Variants in WWC1 observed in about 807,000 individuals in gnomAD.
The protein encoded by WWC1 is protein KIBRA.
WWC1 carries 55 observed loss-of-function variants against 138.4 expected under a neutral mutation model. That is an observed-to-expected ratio of 0.40 (90% CI 0.32 to 0.50). The LOEUF (loss-of-function observed/expected upper bound fraction) is 0.50. Among genes scored for constraint, WWC1 ranks in the 20% least tolerant of loss-of-function variants. The pLI, the probability that WWC1 is intolerant of heterozygous loss-of-function variation, is 0.72. For synonymous variants in WWC1, 524 were observed against 564.9 expected (o/e 0.93, Z 1.03); for missense variants, 1,226 against 1,420.4 (o/e 0.86, Z 2.20).
chr5:168,295,774 C>G (rs777717728), intron 1 of WWC1, among the ~76,000 whole-genome samples: 1 of 152,162 alleles, frequency 6.6e-6, no homozygotes, highest in African/African-American at 2.4e-5. Flanking sequence ...TCCCCTTTCA[C>G]CAGGGGGTTG....
intron 1 of WWC1, among the ~76,000 whole-genome samples, chr5:168,361,618 G>A (rs914680074): frequency 2.0e-5 from 3 of 152,190 alleles, no homozygotes; most frequent in Non-Finnish European, 2.9e-5. Flanking sequence ...GGCATTATGT[G>A]ATGCAGGGCT....
chr5:168,432,077 A>G (rs939575370), intron 15 of WWC1, among the ~76,000 whole-genome samples: 11 of 151,582 alleles, frequency 7.3e-5, no homozygotes, highest in Admixed American at 6.6e-4. Flanking sequence ...GCACAGAGTA[A>G]TGAAAGCAAA....
chr5:168,435,355 TG>T (rs1316574614), intron 15 of WWC1, among the ~76,000 whole-genome samples: 11 of 152,204 alleles, frequency 7.2e-5, no homozygotes, highest in Non-Finnish European at 1.6e-4. Flanking sequence ...CCTCCTCCAC[TG>T]GATCCAGCCT....
intron 1 of WWC1, among the ~76,000 whole-genome samples, chr5:168,303,137 C>T (rs1770246659): frequency 6.6e-6 from 1 of 152,094 alleles, no homozygotes; most frequent in African/African-American, 2.4e-5. Flanking sequence ...AACGAAGTAA[C>T]TTCGTCCTCC....
intron 2 of WWC1, among the ~76,000 whole-genome samples, chr5:168,379,240 TGTA>T (rs1185813540): frequency 6.6e-6 from 1 of 152,150 alleles, no homozygotes; most frequent in African/African-American, 2.4e-5. Flanking sequence ...AGAACTAAAA[TGTA>T]GTAGTGGCCA....
chr5:168,465,083 A>G, intron 21 of WWC1, 121 bp downstream of exon 21: 2 of 1,406,650 alleles, frequency 1.4e-6, no homozygotes, highest in South Asian at 1.5e-5. Context: ...CACAGGTTCC[A>G]CTGAGGGTGT....
intron 9 of WWC1, chr5:168,416,165 C>A (rs1248533360): frequency 1.3e-5 from 2 of 152,174 alleles, no homozygotes; most frequent in African/African-American, 4.8e-5. Context: ...GCTTCAGAGA[C>A]CCCCTTGACT....
At chr5:168,335,002 A>G (rs1016969483) in intron 1 of WWC1, among the ~76,000 whole-genome samples, 1 of 152,140 alleles carries the variant, frequency 6.6e-6, no homozygotes, top group African/African-American at 2.4e-5. Context: ...AGGGAAGTGA[A>G]CCTGACCTTG....
intron 1 of WWC1, among the ~76,000 whole-genome samples, chr5:168,331,577 G>A (rs754870648): frequency 2.0e-5 from 3 of 152,320 alleles, no homozygotes; most frequent in East Asian, 3.9e-4. Context: ...TGTTTTGCAC[G>A]TTAATATCTT....
At chr5:168,430,419 A>C (rs1166676830) in intron 14 of WWC1, among the ~76,000 whole-genome samples, 196 bp downstream of exon 14, 1 of 152,152 alleles carries the variant, frequency 6.6e-6, no homozygotes, top group Non-Finnish European at 1.5e-5. Context: ...CACCAACTGT[A>C]AAGACAAGCA....
chr5:168,435,420 A>T (rs1048945865), intron 15 of WWC1, among the ~76,000 whole-genome samples: 3 of 152,028 alleles, frequency 2.0e-5, no homozygotes, highest in East Asian at 1.9e-4. Flanking sequence ...AAACAAAAAA[A>T]TTTTTTTTGA....
intron 11 of WWC1, 74 bp downstream of exon 11, chr5:168,424,142 TG>T: frequency 6.7e-7 from 1 of 1,498,868 alleles, no homozygotes; most frequent in South Asian, 1.4e-5. Context: ...AACCCCCCAG[TG>T]ATCATTCTAG....
chr5:168,437,373 A>G (rs1445363863), intron 15 of WWC1, among the ~76,000 whole-genome samples: 2 of 152,192 alleles, frequency 1.3e-5, no homozygotes, highest in East Asian at 1.9e-4. Flanking sequence ...ATCAAGATGC[A>G]CTATGTACTA....
intron 1 of WWC1, among the ~76,000 whole-genome samples, chr5:168,307,284 C>G (rs1162818464): frequency 6.6e-6 from 1 of 152,226 alleles, no homozygotes; most frequent in Non-Finnish European, 1.5e-5. Context: ...CCCACAGATG[C>G]ATGTTCTTTA....
intron 1 of WWC1, among the ~76,000 whole-genome samples, chr5:168,311,715 G>T (rs768114077): frequency 6.6e-6 from 1 of 152,024 alleles, no homozygotes; most frequent in African/African-American, 2.4e-5. Context: ...TACTAAAAAT[G>T]ATATACAAAA....
At chr5:168,407,138 A>G (rs1779859913) in intron 6 of WWC1, among the ~76,000 whole-genome samples, 1 of 152,112 alleles carries the variant, frequency 6.6e-6, no homozygotes, top group African/African-American at 2.4e-5. Context: ...TGGTTTCAAC[A>G]TCATTAACCT....
intron 2 of WWC1, among the ~76,000 whole-genome samples, chr5:168,381,195 A>G (rs555308516): frequency 1.3e-5 from 2 of 152,288 alleles, no homozygotes; most frequent in South Asian, 2.1e-4. Context: ...ATGAGCCACA[A>G]AAAATGGTCG....
At chr5:168,339,927 C>A (rs1314050227) in intron 1 of WWC1, among the ~76,000 whole-genome samples, 7 of 142,616 alleles carry the variant, frequency 4.9e-5, no homozygotes, top group African/African-American at 2.0e-4. Context: ...CTCTCTCTTT[C>A]TCTCTTTCTC....
intron 1 of WWC1, among the ~76,000 whole-genome samples, chr5:168,327,630 G>C (rs1009769111): frequency 1.3e-5 from 2 of 152,246 alleles, no homozygotes; most frequent in Non-Finnish European, 2.9e-5. Context: ...GAGGTAGCAA[G>C]AGTAAATGCC....
Sources: allele counts gnomAD v4.1 joint callset (sites outside exome capture counted in the v4.1 genomes callset), GRCh38; gene constraint gnomAD v4.1.1; transcripts MANE v1.5; gene names NCBI Gene and HGNC (gene_info 2026-07-23, HGNC 2026-07-21).